Variants in FAM120A observed in about 807,000 individuals in gnomAD.
The protein encoded by FAM120A is constitutive coactivator of PPAR-gamma-like protein 1.
A neutral mutation model predicts 109.7 loss-of-function variants in FAM120A; 15 were observed. That is an observed-to-expected ratio of 0.14 (90% CI 0.09 to 0.21). The LOEUF (loss-of-function observed/expected upper bound fraction) is 0.21, where lower values mean the gene tolerates loss of function less well. FAM120A is among the 10% of genes least tolerant of loss of function. FAM120A has a pLI of 1.00. For synonymous variants in FAM120A, 493 were observed against 572.8 expected, an observed-to-expected ratio of 0.86 and a Z score of 1.99; for missense variants, 899 against 1,439.3, an observed-to-expected ratio of 0.62 and a Z score of 6.07.
At chr9:93,533,462 G>T (rs1018917408) in intron 10 of FAM120A, among the ~76,000 whole-genome samples, 4 of 152,218 alleles carry the variant, frequency 2.6e-5, no homozygotes, top group South Asian at 2.1e-4. Flanking sequence ...CTGCAGGGCT[G>T]TGAGCATCTC....
At chr9:93,486,442 T>C (rs1395783029) in intron 3 of FAM120A, among the ~76,000 whole-genome samples, 5 of 152,190 alleles carry the variant, frequency 3.3e-5, no homozygotes, top group Non-Finnish European at 7.3e-5. Context: ...GATGTTTTCA[T>C]TTTCCATGTG....
intron 1 of FAM120A, among the ~76,000 whole-genome samples, chr9:93,456,396 T>TA (rs969111841): frequency 2.6e-5 from 4 of 152,232 alleles, no homozygotes; most frequent in African/African-American, 9.6e-5. Flanking sequence ...ATAATGCTCT[T>TA]ACATAAAATG....
intron 10 of FAM120A, among the ~76,000 whole-genome samples, chr9:93,537,427 C>T (rs936115864): frequency 2.6e-5 from 4 of 152,116 alleles, no homozygotes; most frequent in African/African-American, 7.2e-5. Flanking sequence ...TTAAAATTAA[C>T]GTCATCTTAA....
intron 1 of FAM120A, among the ~76,000 whole-genome samples, chr9:93,454,155 A>G (rs1222002076): frequency 6.6e-6 from 1 of 152,160 alleles, no homozygotes; most frequent in African/African-American, 2.4e-5. Flanking sequence ...TCCATTTAAG[A>G]TCGTCTTTTT....
Position 93,529,469 on chromosome 9 carries a change from G to A in FAM120A, c.1623G>A (p.Met541Ile), listed in dbSNP as rs770295074. 16 of 1,614,068 alleles carry A rather than the reference G, an allele frequency of 9.9e-6. No homozygotes were observed. The highest frequency in any genetic ancestry group is 1.3e-5 in the African/African-American group (1 of 74,922). ...TGTCGATGCCCACCAGGAACCACAT[G>A]GACATCACCACACCTCCCCTGCCCC... is the stretch of plus-strand genomic sequence containing the variant. ...CLLSMPTRNH[M>I]DITTPPLPPV... The change falls in exon 9 of 18, where the codon ATG (methionine) becomes ATA (isoleucine). Residue 541 changes from methionine to isoleucine, a missense_variant. Met to Ile is a conservative substitution (Grantham distance 10). Coordinates refer to ENST00000277165, the MANE Select transcript of FAM120A (RefSeq NM_014612.5).
intron 3 of FAM120A, among the ~76,000 whole-genome samples, chr9:93,493,552 A>G (rs1859430087): frequency 6.6e-6 from 1 of 152,276 alleles, no homozygotes; most frequent in Non-Finnish European, 1.5e-5. Context: ...TTTCAGCATC[A>G]ACTCTTGAAC....
chr9:93,539,685 C>G (rs1861630582), intron 10 of FAM120A, among the ~76,000 whole-genome samples: 2 of 152,240 alleles, frequency 1.3e-5, no homozygotes, highest in Non-Finnish European at 2.9e-5. Context: ...TTTCTGTGAG[C>G]TGGCTACTTT....
intron 1 of FAM120A, among the ~76,000 whole-genome samples, chr9:93,469,864 C>A (rs1439590815): frequency 6.6e-6 from 1 of 152,050 alleles, no homozygotes; most frequent in Non-Finnish European, 1.5e-5. Context: ...TTATAGCTAA[C>A]CTTCCAACAA....
chr9:93,529,844 A>T, intron 9 of FAM120A: 1 of 557,230 alleles, frequency 1.8e-6, no homozygotes, highest in Non-Finnish European at 3.2e-6. Flanking sequence ...ATAATGCATC[A>T]CATTATTTTA....
chr9:93,497,283 G>T (rs943071413), intron 3 of FAM120A, among the ~76,000 whole-genome samples, 188 bp from the exon 4 acceptor site: 3 of 152,222 alleles, frequency 2.0e-5, no homozygotes, highest in Non-Finnish European at 2.9e-5. Context: ...GGAAAATCCA[G>T]TTCTTGAGCT....
chr9:93,513,972 C>A (rs1240591404), intron 5 of FAM120A, among the ~76,000 whole-genome samples: 1 of 152,152 alleles, frequency 6.6e-6, no homozygotes, highest in Non-Finnish European at 1.5e-5. Flanking sequence ...GGGTTGTGTT[C>A]CCCTTGCCTG....
At chr9:93,539,946 G>A (rs1861639122) in intron 10 of FAM120A, among the ~76,000 whole-genome samples, 1 of 152,170 alleles carries the variant, frequency 6.6e-6, no homozygotes, top group Non-Finnish European at 1.5e-5. Context: ...GATGTCCCTT[G>A]GAATTCTTCA....
Position 93,509,556 on chromosome 9 carries a change from A to G in FAM120A, c.1031-6111A>G, listed in dbSNP as rs1348533718. 7.2e-5 allele frequency among the ~76,000 whole-genome samples: 11 copies of G among 152,368 alleles called. No individual in the cohort carries two copies. In the South Asian group the frequency reaches 8.3e-4, roughly 11 times the overall value. Reference sequence around the variant, plus strand: ...TGATTTTTAAAAAAATTTTATTTTCATGAGGTATTCAATATTATACTATTG... The same window carrying G: ...TGATTTTTAAAAAAATTTTATTTTCGTGAGGTATTCAATATTATACTATTG... On this transcript the variant is annotated intron_variant, in intron 5 of 17. Coordinates refer to ENST00000277165, the MANE Select transcript of FAM120A (RefSeq NM_014612.5).
chr9:93,519,072 G>A (rs957969429), intron 7 of FAM120A, among the ~76,000 whole-genome samples: 4 of 152,112 alleles, frequency 2.6e-5, no homozygotes, highest in Non-Finnish European at 1.5e-5. Flanking sequence ...CCTTAGGCTG[G>A]AGAGACCCTG....
intron 2 of FAM120A, among the ~76,000 whole-genome samples, chr9:93,471,796 G>A (rs1033334028): frequency 2.0e-5 from 3 of 151,944 alleles, no homozygotes; most frequent in African/African-American, 7.3e-5. Context: ...CCTCATTTTC[G>A]GGATACTCAC....
chr9:93,470,234 C>A (rs1475668065), intron 1 of FAM120A, among the ~76,000 whole-genome samples: 1 of 152,104 alleles, frequency 6.6e-6, no homozygotes, highest in Non-Finnish European at 1.5e-5. Context: ...AAACGAAAAA[C>A]CTGCCAGAAT....
At chr9:93,487,381 T>C (rs1354427489) in intron 3 of FAM120A, among the ~76,000 whole-genome samples, 1 of 151,994 alleles carries the variant, frequency 6.6e-6, no homozygotes, top group Non-Finnish European at 1.5e-5. Context: ...AGGCTGGTCT[T>C]GAACTCCTGA....
chr9:93,524,435 A>T (rs1384970687), intron 7 of FAM120A, among the ~76,000 whole-genome samples: 1 of 152,198 alleles, frequency 6.6e-6, no homozygotes, highest in African/African-American at 2.4e-5. Context: ...TGACTAGAAC[A>T]GTTTGCTATC....
chr9:93,564,204 A>G, intron 17 of FAM120A, 25 bp from the exon 18 acceptor site: 3 of 1,586,320 alleles, frequency 1.9e-6, no homozygotes, highest in Non-Finnish European at 2.6e-6. Flanking sequence ...CCACCTTCTC[A>G]TTTGTTGTCC....
Sources: allele counts gnomAD v4.1 joint callset (sites outside exome capture counted in the v4.1 genomes callset), GRCh38; gene constraint gnomAD v4.1.1; transcripts MANE v1.5; gene names NCBI Gene and HGNC (gene_info 2026-07-23, HGNC 2026-07-21).